TUSC3: variants seen among roughly 807,000 people sequenced by gnomAD.
TUSC3 encodes the protein tumor suppressor candidate 3.
A neutral mutation model predicts 44.8 loss-of-function variants in TUSC3; 45 were observed. That is an observed-to-expected ratio of 1.00 (90% CI 0.79 to 1.29). The LOEUF is 1.29. TUSC3 is among the 50% of genes most tolerant of loss of function. TUSC3 has a pLI of 0.00. For missense variants in TUSC3, 519 were observed against 437.9 expected, an observed-to-expected ratio of 1.19 and a Z score of -1.65; for synonymous variants, 212 against 152.9, an observed-to-expected ratio of 1.39 and a Z score of -2.85.
intron 1 of TUSC3, among the ~76,000 whole-genome samples, chr8:15,421,278 C>T (rs918114065): frequency 3.9e-5 from 6 of 152,146 alleles, no homozygotes; most frequent in Admixed American, 2.6e-4. Flanking sequence ...CATGGCCTAC[C>T]AGGCCCTATC....
At chr8:15,576,444 A>G (rs1430690024) in intron 1 of TUSC3, among the ~76,000 whole-genome samples, 5 of 136,186 alleles carry the variant, frequency 3.7e-5, no homozygotes, top group Admixed American at 7.3e-5. Flanking sequence ...ATATCTCCCA[A>G]TGCTATCCCT....
intron 1 of TUSC3, among the ~76,000 whole-genome samples, chr8:15,597,067 C>T (rs1207927104): frequency 2.0e-5 from 3 of 152,072 alleles, no homozygotes; most frequent in Non-Finnish European, 2.9e-5. Context: ...CTGAGAATGT[C>T]AGCAGGGGTG....
chr8:15,513,006 T>C (rs1437329621), intron 2 of TUSC3, among the ~76,000 whole-genome samples: 1 of 146,676 alleles, frequency 6.8e-6, no homozygotes, highest in African/African-American at 2.5e-5. Flanking sequence ...AGTCAAATTT[T>C]TTTCCCAGAT....
At chr8:15,612,769 T>C (rs894571343) in intron 1 of TUSC3, among the ~76,000 whole-genome samples, 5 of 152,150 alleles carry the variant, frequency 3.3e-5, no homozygotes, top group African/African-American at 9.7e-5. Context: ...TTTTTGAAGA[T>C]TCTAAGTTAC....
At chr8:15,833,088 A>C in the TUSC3 span, among the ~76,000 whole-genome samples, 1 of 152,170 alleles carries the variant, frequency 6.6e-6, no homozygotes, top group Admixed American at 6.6e-5. Context: ...TATACATGTG[A>C]CCAACAAGCA....
At chr8:15,562,532 C>A (rs1474270142) in intron 1 of TUSC3, among the ~76,000 whole-genome samples, 1 of 152,080 alleles carries the variant, frequency 6.6e-6, no homozygotes. Context: ...TGTCAGAAGT[C>A]TGGGCATGGT....
chr8:15,501,291 A>C (rs1307881789), intron 2 of TUSC3, among the ~76,000 whole-genome samples: 1 of 152,142 alleles, frequency 6.6e-6, no homozygotes, highest in Admixed American at 6.5e-5. Context: ...TCTAGGCTTA[A>C]ATAAAATGCA....
chr8:15,574,501 A>G (rs1803014029), intron 1 of TUSC3, among the ~76,000 whole-genome samples: 1 of 152,074 alleles, frequency 6.6e-6, no homozygotes, highest in Admixed American at 6.5e-5. Context: ...TGTAACTGGA[A>G]GATTGTTTTC....
rs143854191 is a variant in TUSC3 at position 15,745,123 on chromosome 8, G to T, written c.937+1511G>T. Among the ~76,000 whole-genome samples the T allele has an allele frequency of 5.9e-4, 89 of 152,006 alleles. No individual in the cohort carries two copies. The East Asian group carries it at 0.014, about 23-fold the overall frequency. The stretch of plus-strand genomic sequence containing the variant: ...CTATTGATGTAAAGGAGATGATTTT[G>T]TTCTTTTTGGCTGCATAGTATTCCA... On this transcript the variant is annotated intron_variant, in intron 8 of 10. Coordinates refer to ENST00000503731, the MANE Select transcript of TUSC3 (RefSeq NM_006765.4).
At chr8:15,500,733 C>T (rs553556035) in intron 2 of TUSC3, among the ~76,000 whole-genome samples, 1 of 152,118 alleles carries the variant, frequency 6.6e-6, no homozygotes, top group Non-Finnish European at 1.5e-5. Context: ...GAGAATGTGA[C>T]AGGAAACATC....
In TUSC3 at chr8:15,616,815, C is replaced by G. The variant is rs190266636; in HGVS notation, c.139-6265C>G. On this transcript the variant is annotated intron_variant, in intron 1 of 10. Coordinates refer to ENST00000503731, the MANE Select transcript of TUSC3 (RefSeq NM_006765.4). ...AGTTTTTGGGTGCCGCTGCGTTCCC[C>G]TCATCCAGATGTCGATTTCCAAGTC... Among the ~76,000 whole-genome samples, 24 of 152,252 alleles carry G rather than the reference C, an allele frequency of 1.6e-4. No individual in the cohort carries two copies. In the East Asian group the frequency reaches 3.3e-3, roughly 21 times the overall value.
chr8:15,483,968 A>G (rs1563263188), intron 2 of TUSC3, among the ~76,000 whole-genome samples: 1 of 151,936 alleles, frequency 6.6e-6, no homozygotes, highest in Non-Finnish European at 1.5e-5. Context: ...GTGATTTTTA[A>G]CTATGTTGAC....
chr8:15,617,962 C>T (rs1294761037), intron 1 of TUSC3, among the ~76,000 whole-genome samples: 1 of 152,056 alleles, frequency 6.6e-6, no homozygotes, highest in Non-Finnish European at 1.5e-5. Flanking sequence ...AAGCTGTACA[C>T]AATAGTACTC....
chr8:15,625,178 A>G (rs10103371), intron 2 of TUSC3, among the ~76,000 whole-genome samples: 2 of 152,186 alleles, frequency 1.3e-5, no homozygotes, highest in South Asian at 4.1e-4. Flanking sequence ...CTGGTCTTGC[A>G]TACAGGAATG....
intron 1 of TUSC3, among the ~76,000 whole-genome samples, chr8:15,422,090 C>G (rs1370497748): frequency 6.6e-6 from 1 of 152,122 alleles, no homozygotes; most frequent in East Asian, 1.9e-4. Flanking sequence ...TTCTGATACT[C>G]TTATACCCCC....
chr8:15,631,738 C>A (rs1419019347), intron 2 of TUSC3, among the ~76,000 whole-genome samples: 2 of 150,908 alleles, frequency 1.3e-5, no homozygotes, highest in African/African-American at 4.9e-5. Flanking sequence ...CACAGTCTTG[C>A]TGTGTCACCC....
chr8:15,467,955 A>T (rs1800435815), intron 1 of TUSC3, among the ~76,000 whole-genome samples: 1 of 152,204 alleles, frequency 6.6e-6, no homozygotes, highest in African/African-American at 2.4e-5. Context: ...AACTAGTTAA[A>T]ATCTGGATTT....
the TUSC3 span, among the ~76,000 whole-genome samples, chr8:15,780,978 GCA>G: frequency 2.0e-5 from 3 of 152,202 alleles, no homozygotes; most frequent in Non-Finnish European, 2.9e-5. Context: ...GGGAGTTAAA[GCA>G]CAGTCTTCCT....
At chr8:15,784,323 C>T in the TUSC3 span, among the ~76,000 whole-genome samples, 3 of 152,216 alleles carry the variant, frequency 2.0e-5, no homozygotes, top group South Asian at 2.1e-4. Context: ...TTATCCAGCA[C>T]TCCTACTTGT....
Sources: gnomAD v4.1 joint callset for allele counts (sites outside exome capture counted in the v4.1 genomes callset) on GRCh38, gnomAD v4.1.1 for gene constraint, MANE v1.5 for transcripts, NCBI Gene and HGNC (gene_info 2026-07-23, HGNC 2026-07-21) for gene names.